Variants in PREX2 observed in about 807,000 individuals in gnomAD.
PREX2 encodes phosphatidylinositol-3,4,5-trisphosphate dependent Rac exchange factor 2.
A neutral mutation model predicts 203.2 loss-of-function variants in PREX2; 107 were observed. That is an observed-to-expected ratio of 0.53 (90% CI 0.45 to 0.62). The LOEUF is 0.62. PREX2 is among the 20% of genes least tolerant of loss of function. The pLI is 0.00. For missense variants in PREX2, 1,777 were observed against 1,955.9 expected (o/e 0.91, Z 1.72); for synonymous variants, 672 against 663.6 (o/e 1.01, Z -0.19).
chr8:68,173,634 A>G (rs1020389942), intron 35 of PREX2, among the ~76,000 whole-genome samples: 5 of 152,170 alleles, frequency 3.3e-5, no homozygotes, highest in African/African-American at 1.2e-4. Flanking sequence ...TGCAATTTTT[A>G]GGTAAGGGCA....
chr8:68,078,724 A>T (rs998608255), intron 15 of PREX2, among the ~76,000 whole-genome samples: 1 of 152,208 alleles, frequency 6.6e-6, no homozygotes, highest in African/African-American at 2.4e-5. Flanking sequence ...AAGAAATTAC[A>T]TCATGTTAGG....
intron 1 of PREX2, among the ~76,000 whole-genome samples, chr8:68,016,983 CTTA>C (rs1807424979): frequency 6.6e-6 from 1 of 152,108 alleles, no homozygotes; most frequent in South Asian, 2.1e-4. Context: ...ATTTTATACT[CTTA>C]TTAGCCATGT....
chr8:68,177,059 T>G (rs2129614366), intron 35 of PREX2: 1 of 152,968 alleles, frequency 6.5e-6, no homozygotes, highest in Admixed American at 6.6e-5. Flanking sequence ...ATTGCCCAGA[T>G]CTGCTGAGAA....
intron 33 of PREX2, among the ~76,000 whole-genome samples, chr8:68,139,447 A>G (rs915758892): frequency 7.2e-5 from 11 of 152,164 alleles, no homozygotes; most frequent in African/African-American, 2.7e-4. Flanking sequence ...AAAGAGATGG[A>G]AACAGCAAGG....
rs546749214 is a variant in PREX2 at position 68,157,936 on chromosome 8, C to T, written c.4346+500C>T. Among the ~76,000 whole-genome samples, 5 of 151,408 alleles carry T rather than the reference C, an allele frequency of 3.3e-5. No individual in the cohort carries two copies. In the South Asian group the frequency reaches 1.0e-3, roughly 32 times the overall value. ...TGCTTGCATTTTACTGTCTTTTTCC[C>T]CCCAAAAAATAGTGTTACTGGTACA... is the stretch of plus-strand genomic sequence containing the variant. On this transcript the variant is annotated intron_variant, in intron 35 of 39. Transcript: ENST00000288368.
intron 38 of PREX2, among the ~76,000 whole-genome samples, chr8:68,222,266 G>A (rs964291005): frequency 1.3e-5 from 2 of 151,922 alleles, no homozygotes; most frequent in African/African-American, 2.4e-5. Flanking sequence ...AAATAGCCAG[G>A]GCCCCTTGGA....
rs1403577187 is a variant in PREX2, at chr8:67,996,586, G to T, written c.142-21260G>T. Among the ~76,000 whole-genome samples the T allele has an allele frequency of 3.9e-5, 6 of 152,100 alleles. No homozygotes were observed. In the East Asian group the frequency reaches 1.2e-3, roughly 29 times the overall value. On this transcript the variant is annotated intron_variant, in intron 1 of 39. Transcript: ENST00000288368. The stretch of plus-strand genomic sequence containing the variant: ...TGTAGATATTGCTTCCCTGTCTTTG[G>T]CTCACCTATTAATTTCCTTAATTGT...
At chr8:68,205,665 T>C (rs1812609007) in intron 37 of PREX2, among the ~76,000 whole-genome samples, 1 of 152,212 alleles carries the variant, frequency 6.6e-6, no homozygotes, top group South Asian at 2.1e-4. Context: ...AATTAGTTTC[T>C]TCAATCAGGT....
intron 1 of PREX2, among the ~76,000 whole-genome samples, chr8:67,960,300 C>A (rs1010502733): frequency 6.6e-6 from 1 of 152,080 alleles, no homozygotes. Flanking sequence ...CCTCAGCCTC[C>A]CAAAGTGCTA....
At chr8:68,223,119 A>G (rs997911665) in intron 38 of PREX2, among the ~76,000 whole-genome samples, 1 of 152,162 alleles carries the variant, frequency 6.6e-6, no homozygotes, top group Non-Finnish European at 1.5e-5. Context: ...TTTGAACAAG[A>G]TGCGCAGTTT....
intron 34 of PREX2, among the ~76,000 whole-genome samples, chr8:68,155,206 T>C (rs1162235700): frequency 6.6e-6 from 1 of 152,104 alleles, no homozygotes; most frequent in African/African-American, 2.4e-5. Flanking sequence ...AAGTAATCAG[T>C]ATACCAAAGT....
At chr8:68,086,056 A>G (rs1196462666) in intron 18 of PREX2, among the ~76,000 whole-genome samples, 1 of 152,188 alleles carries the variant, frequency 6.6e-6, no homozygotes, top group Non-Finnish European at 1.5e-5. Flanking sequence ...TTTCAAGTGA[A>G]ACTTTGACAA....
At chr8:68,132,274 TC>T (rs1811024118) in intron 31 of PREX2, among the ~76,000 whole-genome samples, 1 of 152,024 alleles carries the variant, frequency 6.6e-6, no homozygotes, top group Non-Finnish European at 1.5e-5. Flanking sequence ...TAGTTTTTTT[TC>T]TTGAGGATTG....
chr8:68,109,024 T>G, intron 24 of PREX2: 1 of 453,722 alleles, frequency 2.2e-6, no homozygotes, highest in South Asian at 1.6e-5. Flanking sequence ...GAGAGTAGAA[T>G]GGTGAGTAGC....
Position 68,119,520 on chromosome 8 carries a change from A to C in PREX2, c.3504+6A>C, listed in dbSNP as rs760582537. 1 of 1,609,068 alleles carries C rather than the reference A, an allele frequency of 6.2e-7. No homozygotes were observed. The highest frequency in any genetic ancestry group is 1.1e-5 in the South Asian group (1 of 90,868). On this transcript the variant is annotated splice_donor_region_variant and intron_variant, in intron 28 of 39. Transcript: ENST00000288368. ...TTGAGCATCTTTTCAGCCAGGTACA[A>C]TCGGGCATTTGTGGGGCTTTTGTTC...
intron 11 of PREX2, 95 bp from the exon 12 acceptor site, chr8:68,068,938 A>G (rs1287476251): frequency 4.1e-6 from 2 of 483,310 alleles, no homozygotes; most frequent in Admixed American, 4.3e-5. Context: ...TAAAAGTTTT[A>G]GTATTTGGGA....
chr8:67,954,351 C>A (rs375288007), intron 1 of PREX2, among the ~76,000 whole-genome samples: 1 of 152,140 alleles, frequency 6.6e-6, no homozygotes, highest in South Asian at 2.1e-4. Context: ...TTTACTCTGG[C>A]TTACAAAGCC....
intron 2 of PREX2, among the ~76,000 whole-genome samples, chr8:68,018,841 T>C (rs1807482982): frequency 1.3e-5 from 2 of 152,364 alleles, no homozygotes; most frequent in South Asian, 4.1e-4. Flanking sequence ...TTGCTGGAAA[T>C]ATAAAACATT....
chr8:68,103,186 A>G (rs754321348), intron 23 of PREX2, among the ~76,000 whole-genome samples: 6 of 152,190 alleles, frequency 3.9e-5, no homozygotes, highest in Non-Finnish European at 5.9e-5. Context: ...TATTAATGCC[A>G]TGTAATTCTC....
Sources: allele counts gnomAD v4.1 joint callset (sites outside exome capture counted in the v4.1 genomes callset), GRCh38; gene constraint gnomAD v4.1.1; transcripts MANE v1.5; gene names NCBI Gene and HGNC (gene_info 2026-07-23, HGNC 2026-07-21).